The following SLC39A10 variants were observed in gnomAD, a reference collection of about 807,000 sequenced individuals.
SLC39A10 encodes the protein solute carrier family 39 member 10.
A neutral mutation model predicts 65.1 loss-of-function variants in SLC39A10; 13 were observed. That is an observed-to-expected ratio of 0.20 (90% CI 0.13 to 0.32). The LOEUF (loss-of-function observed/expected upper bound fraction) is 0.32, where lower values mean the gene tolerates loss of function less well. Among genes scored for constraint, SLC39A10 ranks in the 10% least tolerant of loss-of-function variants. SLC39A10 has a pLI of 1.00. For missense variants in SLC39A10, 831 were observed against 1,018.4 expected, an observed-to-expected ratio of 0.82 and a Z score of 2.50; for synonymous variants, 321 against 342.2, an observed-to-expected ratio of 0.94 and a Z score of 0.68.
Position 195,680,209 on chromosome 2 carries a change from C to T in SLC39A10, c.167C>T (p.Ala56Val). ...LEPSKFSKQA[A>V]ENEKKYYIEK... ...CCAAGCAAATTTTCAAAGCAAGCTG[C>T]TGAAAATGAAAAAAAATACTATATT... is the stretch of plus-strand genomic sequence containing the variant. Residue 56 changes from alanine to valine, a missense_variant, in exon 2 of 10, where the codon GCT becomes GTT. Physicochemically the swap from Ala to Val is moderately conservative, Grantham distance 64. Coordinates refer to ENST00000359634, the MANE Select transcript of SLC39A10 (RefSeq NM_020342.3). 1 of 1,613,520 alleles carries T rather than the reference C, an allele frequency of 6.2e-7. No individual in the cohort carries two copies. The highest frequency in any genetic ancestry group is 8.5e-7 in the Non-Finnish European group (1 of 1,179,906).
In SLC39A10 at chr2:195,680,941, A is replaced by T; in HGVS notation, c.899A>T (p.Asp300Val). ...CGTGGACACCAAGATCTTGATCCTGATAATGAAGGTGAACTTCGACATACT... is the reference window on the plus strand; with the variant it reads ...CGTGGACACCAAGATCTTGATCCTGTTAATGAAGGTGAACTTCGACATACT... ...PGRGHQDLDP[D>V]NEGELRHTRK... The change falls in exon 2 of 10, where the codon GAT (aspartate) becomes GTT (valine). Residue 300 changes from aspartate (D) to valine (V), a missense_variant. Asp to Val is a radical substitution (Grantham distance 152). Transcript: ENST00000359634. 6.2e-7 allele frequency: 1 copy of T among 1,614,142 alleles called. No homozygotes were observed. The highest frequency in any genetic ancestry group is 8.5e-7 in the Non-Finnish European group (1 of 1,180,012).
At position 195,668,909 on chromosome 2, in the gene SLC39A10, C is replaced by T. The variant is rs145403126; in HGVS notation, c.-11-11123C>T. On this transcript the variant is annotated intron_variant, in intron 1 of 9. Coordinates refer to ENST00000359634, the MANE Select transcript of SLC39A10 (RefSeq NM_020342.3). ...ACCAACCTGGCCAACATAGTGAAAC[C>T]CTGTCTCTACTAAAAATACAAAAAT... 5.9e-3 allele frequency among the ~76,000 whole-genome samples: 899 copies of T among 152,112 alleles called. 8 individuals carry two copies. The highest frequency in any genetic ancestry group is 0.021 in the African/African-American group (855 of 41,478).
At chr2:195,677,228 C>G (rs1690123849) in intron 1 of SLC39A10, among the ~76,000 whole-genome samples, 1 of 152,138 alleles carries the variant, frequency 6.6e-6, no homozygotes, top group African/African-American at 2.4e-5. Context: ...CTGGTCTTCT[C>G]CCAATTATTA....
At chr2:195,701,435 C>CTTTTTTTTTTTTTTTTTTTTTTTTTATT (rs1691187192) in intron 3 of SLC39A10, among the ~76,000 whole-genome samples, 1 of 5,500 alleles carries the variant, frequency 1.8e-4, no homozygotes, top group African/African-American at 8.7e-4. Context: ...TTCTGTGATT[C>CTTTTTTTTTTTTTTTTTTTTTTTTTATT]TTTTTTTTTT....
Position 195,728,072 on chromosome 2 carries a change from T to C in SLC39A10, c.2147-87T>C. 8.2e-7 allele frequency: 1 copy of C among 1,217,154 alleles called. No homozygotes were observed. The highest frequency in any genetic ancestry group is 2.2e-5 in the Admixed American group (1 of 45,678). 75.4% of individuals were successfully genotyped at this position (1,217,154 alleles called of 1,614,324 possible). On this transcript the variant is annotated intron_variant, in intron 8 of 9. Transcript: ENST00000359634. This position sits in a 1 kb window ranked among gnomAD's most constrained non-coding sequence, Gnocchi z 4.4. ...CTGTTATTAAAAGTGTGTATCTTTT[T>C]AATGCTGATTTTATTTGTTTTCTCC...
intron 8 of SLC39A10, among the ~76,000 whole-genome samples, chr2:195,719,325 G>A (rs1374975559): frequency 6.6e-6 from 1 of 151,836 alleles, no homozygotes; most frequent in African/African-American, 2.4e-5. Flanking sequence ...TCCCGATTAC[G>A]ATGAGTTAAT....
intron 2 of SLC39A10, among the ~76,000 whole-genome samples, chr2:195,633,309 A>G (rs1371342298): frequency 6.6e-6 from 1 of 152,258 alleles, no homozygotes; most frequent in African/African-American, 2.4e-5. Flanking sequence ...GGGAGCACGC[A>G]GGTGAGCGGT....
chr2:195,632,604 G>C (rs556056891), intron 2 of SLC39A10, among the ~76,000 whole-genome samples: 16 of 152,194 alleles, frequency 1.1e-4, no homozygotes, highest in African/African-American at 3.6e-4. Flanking sequence ...CACCACACCT[G>C]GCTCTACTTC....
At chr2:195,694,556 A>C (rs1360312745) in intron 3 of SLC39A10, among the ~76,000 whole-genome samples, 1 of 152,190 alleles carries the variant, frequency 6.6e-6, no homozygotes, top group East Asian at 1.9e-4. Context: ...ACTGGGCTCC[A>C]GGCTGGTACT....
At chr2:195,686,504 C>G (rs1690532144) in intron 3 of SLC39A10, among the ~76,000 whole-genome samples, 1 of 152,172 alleles carries the variant, frequency 6.6e-6, no homozygotes, top group African/African-American at 2.4e-5. Context: ...GAGCTGAGAT[C>G]ACGCCACTGC....
At chr2:195,717,810 C>G (rs1400146426) in intron 7 of SLC39A10, among the ~76,000 whole-genome samples, 1 of 152,278 alleles carries the variant, frequency 6.6e-6, no homozygotes, top group East Asian at 1.9e-4. Flanking sequence ...TACTACCAGA[C>G]AAGTAATACT....
At chr2:195,665,744 A>G (rs181839629) in intron 1 of SLC39A10, among the ~76,000 whole-genome samples, 1 of 152,078 alleles carries the variant, frequency 6.6e-6, no homozygotes, top group African/African-American at 2.4e-5. Context: ...CCTTTAGTTG[A>G]TTATTTTGCT....
At chr2:195,731,200 C>G (rs963568071) in intron 9 of SLC39A10, among the ~76,000 whole-genome samples, 1 of 152,154 alleles carries the variant, frequency 6.6e-6, no homozygotes, top group African/African-American at 2.4e-5. Flanking sequence ...TTTCCACTCC[C>G]TTGTCCTCCT....
upstream of SLC39A10, among the ~76,000 whole-genome samples, chr2:195,655,780 A>G (rs776414194): frequency 3.9e-5 from 6 of 152,252 alleles, no homozygotes; most frequent in Admixed American, 1.3e-4. Context: ...GGAAAAGGGC[A>G]TATGAGTAGT....
chr2:195,639,190 G>A (rs1368541319), intron 2 of SLC39A10, among the ~76,000 whole-genome samples: 1 of 152,080 alleles, frequency 6.6e-6, no homozygotes, highest in Non-Finnish European at 1.5e-5. Flanking sequence ...GGCTTCAAGC[G>A]ATCCTCCCAC....
chr2:195,728,594 G>A lies in SLC39A10; in HGVS notation c.2337+245G>A, dbSNP rs1452964609. Among the ~76,000 whole-genome samples, 1 of 152,108 alleles carries A rather than the reference G, an allele frequency of 6.6e-6. No individual in the cohort carries two copies. The highest frequency in any genetic ancestry group is 1.5e-5 in the Non-Finnish European group (1 of 68,030). ...CATTAGTAGTAGAGTTATAATTACA[G>A]AATTATTATACTACTTTAAAGACTT... On this transcript the variant is annotated intron_variant, in intron 9 of 9. Coordinates refer to ENST00000359634, the MANE Select transcript of SLC39A10 (RefSeq NM_020342.3). The surrounding 1 kb of genome is among the most constrained non-coding windows in gnomAD (Gnocchi z 4.4).
At chr2:195,617,806 C>T (rs977589457) in intron 2 of SLC39A10, among the ~76,000 whole-genome samples, 11 of 151,270 alleles carry the variant, frequency 7.3e-5, no homozygotes, top group Non-Finnish European at 1.2e-4. Context: ...GTGGCACAAT[C>T]TCGGCGGACT....
chr2:195,657,512 C>G (rs1689196079), intron 1 of SLC39A10: 3 of 985,454 alleles, frequency 3.0e-6, no homozygotes, highest in Non-Finnish European at 3.6e-6. Context: ...GCCGCGGCTC[C>G]TCGTGTGCGG....
chr2:195,736,667 A>AG lies in SLC39A10; in HGVS notation c.*1628dup, dbSNP rs1216934990. 11 of 151,898 alleles carry AG rather than the reference A, an allele frequency of 7.2e-5. No homozygotes were observed. The highest frequency in any genetic ancestry group is 2.7e-4 in the African/African-American group (11 of 41,480). The allele number at this position is 151,898 out of a possible 1,614,324, so 9.4% of individuals were successfully genotyped here. ...CTGTATGCTATAAGCAAGGGAGCTT[A>AG]GGTGTTATTTCTTTAATTTATGCTT... On this transcript the variant is annotated 3_prime_UTR_variant, in exon 10 of 10. Transcript: ENST00000359634.
Sources: allele counts gnomAD v4.1 joint callset (sites outside exome capture counted in the v4.1 genomes callset), GRCh38; gene constraint gnomAD v4.1.1; non-coding constraint Gnocchi (gnomAD v3.1); transcripts MANE v1.5; gene names NCBI Gene and HGNC (gene_info 2026-07-23, HGNC 2026-07-21).